Variants in ZNF391 observed in about 807,000 individuals in gnomAD.
The protein encoded by ZNF391 is zinc finger protein 391.
For synonymous variants in ZNF391, 126 were observed against 142.1 expected (o/e 0.89, Z 0.80); for missense variants, 375 against 425.5 (o/e 0.88, Z 1.04).
chr6:27,394,392 A>G (rs1189470250), intron 1 of ZNF391, among the ~76,000 whole-genome samples: 1 of 152,178 alleles, frequency 6.6e-6, no homozygotes, highest in African/African-American at 2.4e-5. Context: ...GCTGCTGTGG[A>G]GGGTAGAAGC....
In ZNF391 at chr6:27,388,762, G is replaced by A. The variant is rs555938981; in HGVS notation, c.-501G>A. On this transcript the variant is annotated 5_prime_UTR_variant, in exon 1 of 3. It adds an upstream start codon to the 5' untranslated region. Transcript: ENST00000244576. ...TGCTGATACGTTGCTCAGTCTCAGT[G>A]TGGTCTCTGTTTTGCAACTGGTCGT... 7.2e-4 allele frequency: 287 copies of A among 398,940 alleles called. No individual in the cohort carries two copies. The highest frequency in any genetic ancestry group is 1.2e-3 in the Non-Finnish European group (246 of 205,326). 24.7% of individuals were successfully genotyped at this position (398,940 alleles called of 1,614,324 possible).
chr6:27,401,761 C>T lies in ZNF391; in HGVS notation c.*314C>T, dbSNP rs1285828688. 1 of 204,676 alleles carries T rather than the reference C, an allele frequency of 4.9e-6. No homozygotes were observed. Among genetic ancestry groups the T allele is most frequent in the Admixed American group, 5.2e-5 (1 of 19,306 alleles). 12.7% of individuals were successfully genotyped at this position (204,676 alleles called of 1,614,324 possible). A position where few individuals can be genotyped will look rare whatever the true frequency, so the allele number is the denominator to read the frequency against. On this transcript the variant is annotated 3_prime_UTR_variant, in exon 3 of 3. Coordinates refer to ENST00000244576, the MANE Select transcript of ZNF391 (RefSeq NM_001076781.3). ...ATATGAAATCTAATATTCTGAAGGG[C>T]TCCAACTTTAGAGTATAAAGCTATC... is the stretch of plus-strand genomic sequence containing the variant.
At position 27,401,628 on chromosome 6, in the gene ZNF391, T is replaced by TCTTCCCTC; in HGVS notation, c.*195_*202dup. 1 of 456,402 alleles carries TCTTCCCTC rather than the reference T, an allele frequency of 2.2e-6. No individual in the cohort carries two copies. Among genetic ancestry groups the TCTTCCCTC allele is most frequent in the South Asian group, 5.6e-5 (1 of 17,752 alleles). The allele number at this position is 456,402 out of a possible 1,614,324, so 28.3% of individuals were successfully genotyped here. A position where few individuals can be genotyped will look rare whatever the true frequency, so the allele number is the denominator to read the frequency against. ...TATCCTTCTTTCGTCTCCCCTCCCTTCTTCCCTCCTTCCCTCCTTCCTACT... is the reference window on the plus strand; with the variant it reads ...TATCCTTCTTTCGTCTCCCCTCCCTTCTTCCCTCCTTCCCTCCTTCCCTCCTTCCTACT... On this transcript the variant is annotated 3_prime_UTR_variant, in exon 3 of 3. Coordinates refer to ENST00000244576, the MANE Select transcript of ZNF391 (RefSeq NM_001076781.3).
chr6:27,380,829 G>A (rs1343045955), intron 1 of ZNF391, among the ~76,000 whole-genome samples: 1 of 152,004 alleles, frequency 6.6e-6, no homozygotes, highest in Non-Finnish European at 1.5e-5. Flanking sequence ...TGAGTAGCTA[G>A]ATACAGAGTG....
chr6:27,390,093 A>G (rs1330917938), intron 1 of ZNF391, among the ~76,000 whole-genome samples: 6 of 152,320 alleles, frequency 3.9e-5, no homozygotes, highest in Non-Finnish European at 2.9e-5. Context: ...TGGATTGGCA[A>G]AGGCTCCAGG....
intron 1 of ZNF391, among the ~76,000 whole-genome samples, chr6:27,379,776 T>C (rs537327951): frequency 2.6e-5 from 4 of 152,174 alleles, no homozygotes; most frequent in Non-Finnish European, 5.9e-5. Flanking sequence ...TCAAAAACAA[T>C]CTATTTAACC....
At chr6:27,386,168 T>C (rs1265422004), upstream of ZNF391, among the ~76,000 whole-genome samples, 2 of 152,082 alleles carry the variant, frequency 1.3e-5, no homozygotes, top group Non-Finnish European at 2.9e-5. Context: ...TATATACATA[T>C]TAGAAATAGC....
rs1443292151 is a variant in ZNF391, at chr6:27,389,030, G to A, written c.-233G>A. On this transcript the variant is annotated 5_prime_UTR_variant, in exon 1 of 3. Coordinates refer to ENST00000244576, the MANE Select transcript of ZNF391 (RefSeq NM_001076781.3). Reference sequence around the variant, plus strand: ...GCCCGGGGTGTGTCGGGGGTACTCGGCCGGAGGCGGCCGGTGAGTGAGGCT... The same window carrying A: ...GCCCGGGGTGTGTCGGGGGTACTCGACCGGAGGCGGCCGGTGAGTGAGGCT... The A allele has an allele frequency of 2.2e-6, 1 of 455,938 alleles. No homozygotes were observed. Among genetic ancestry groups the A allele is most frequent in the Non-Finnish European group, 4.4e-6 (1 of 226,724 alleles). The allele number at this position is 455,938 out of a possible 1,614,324, so 28.2% of individuals were successfully genotyped here.
exon 1 of ZNF391, chr6:27,375,109 C>T (rs988945731): frequency 8.5e-5 from 13 of 152,310 alleles, no homozygotes; most frequent in African/African-American, 2.9e-4. Flanking sequence ...TCAGGCTCCT[C>T]CACAGGCGAG....
chr6:27,401,467 G>A lies in ZNF391; in HGVS notation c.*20G>A, dbSNP rs950979492. The A allele has an allele frequency of 7.0e-6, 11 of 1,566,236 alleles. No individual in the cohort carries two copies. The African/African-American group carries it at 1.4e-4, about 19-fold the overall frequency. On this transcript the variant is annotated 3_prime_UTR_variant, in exon 3 of 3. Coordinates refer to ENST00000244576, the MANE Select transcript of ZNF391 (RefSeq NM_001076781.3). Reference sequence around the variant, plus strand: ...GAGTAATATCTGAGCTTTTATTAATGTTAGCATAAGAACACATATACCTAA... The same window carrying A: ...GAGTAATATCTGAGCTTTTATTAATATTAGCATAAGAACACATATACCTAA...
intron 1 of ZNF391, among the ~76,000 whole-genome samples, chr6:27,395,957 C>T (rs1234946057): frequency 6.6e-6 from 1 of 152,158 alleles, no homozygotes; most frequent in African/African-American, 2.4e-5. Flanking sequence ...TGGGTATTCT[C>T]AAATCTTCAG....
At chr6:27,387,724 G>A (rs1761607393), upstream of ZNF391, among the ~76,000 whole-genome samples, 1 of 152,080 alleles carries the variant, frequency 6.6e-6, no homozygotes, top group Admixed American at 6.6e-5. Context: ...AGGTTACCAG[G>A]GACTGTGGGG....
At position 27,400,336 on chromosome 6, in the gene ZNF391, C is replaced by A; in HGVS notation, c.-35C>A. On this transcript the variant is annotated 5_prime_UTR_variant, in exon 3 of 3. It adds an upstream start codon to the 5' untranslated region. Coordinates refer to ENST00000244576, the MANE Select transcript of ZNF391 (RefSeq NM_001076781.3). ...AACCAAAGCATCAACACCAATCAGA[C>A]TGTTTCCGAAGAACTAGAGTTTTCT... is the stretch of plus-strand genomic sequence containing the variant. 2.0e-6 allele frequency: 3 copies of A among 1,523,696 alleles called. No homozygotes were observed. The African/African-American group carries it at 4.2e-5, about 21-fold the overall frequency. 94.4% of individuals were successfully genotyped at this position (1,523,696 alleles called of 1,614,324 possible).
chr6:27,376,047 A>G lies in ZNF391; in HGVS notation n.523+910A>G, dbSNP rs2113633872. ...ATGGTGTAAGCCCTATGGAGAAGAT[A>G]TTTCCTGCTATACCTGAAGTGTGAA... On this transcript the variant is annotated intron_variant and non_coding_transcript_variant, in intron 1 of 2. Coordinates refer to the ZNF391 transcript ENST00000477999. The surrounding 1 kb of genome is among the most constrained non-coding windows in gnomAD (Gnocchi z 4.7). Among the ~76,000 whole-genome samples, 1 of 152,222 alleles carries G rather than the reference A, an allele frequency of 6.6e-6. No homozygotes were observed. The highest frequency in any genetic ancestry group is 1.9e-4 in the East Asian group (1 of 5,172).
In ZNF391 at chr6:27,402,107, T is replaced by C. The variant is rs1156918132; in HGVS notation, c.*660T>C. 1 of 152,240 alleles carries C rather than the reference T, an allele frequency of 6.6e-6. No individual in the cohort carries two copies. Among genetic ancestry groups the C allele is most frequent in the Non-Finnish European group, 1.5e-5 (1 of 68,046 alleles). The allele number at this position is 152,240 out of a possible 1,614,324, so 9.4% of individuals were successfully genotyped here. On this transcript the variant is annotated 3_prime_UTR_variant, in exon 3 of 3. Transcript: ENST00000244576. The stretch of plus-strand genomic sequence containing the variant: ...TTCCTCAAAGTACAACTCATTTTTT[T>C]ACTAACGCCTAACTAATCCTAGTGT...
intron 1 of ZNF391, among the ~76,000 whole-genome samples, chr6:27,394,633 C>T (rs1761785330): frequency 6.6e-6 from 1 of 152,226 alleles, no homozygotes; most frequent in Non-Finnish European, 1.5e-5. Context: ...CACTGGGGCA[C>T]TGCCTAGTGG....
At chr6:27,395,681 G>A (rs955193560) in intron 1 of ZNF391, among the ~76,000 whole-genome samples, 7 of 151,956 alleles carry the variant, frequency 4.6e-5, no homozygotes, top group Admixed American at 3.9e-4. Flanking sequence ...ACTTCAAATT[G>A]GCCATATCCA....
upstream of ZNF391, among the ~76,000 whole-genome samples, chr6:27,386,753 A>C (rs968785558): frequency 6.6e-6 from 1 of 152,212 alleles, no homozygotes; most frequent in Non-Finnish European, 1.5e-5. Flanking sequence ...AAATTAACCC[A>C]AAATGGATCA....
At chr6:27,386,972 TG>T (rs1761592816), upstream of ZNF391, among the ~76,000 whole-genome samples, 1 of 151,562 alleles carries the variant, frequency 6.6e-6, no homozygotes, top group African/African-American at 2.4e-5. Context: ...AAATCATATC[TG>T]AAGAAGAATA....
Sources: allele counts gnomAD v4.1 joint callset (sites outside exome capture counted in the v4.1 genomes callset), GRCh38; gene constraint gnomAD v4.1.1; non-coding constraint Gnocchi (gnomAD v3.1); transcripts MANE v1.5; gene names NCBI Gene and HGNC (gene_info 2026-07-23, HGNC 2026-07-21).